MUL1: variants seen among roughly 807,000 people sequenced by gnomAD.
MUL1 encodes the protein mitochondrial E3 ubiquitin protein ligase 1.
A neutral mutation model predicts 34.1 loss-of-function variants in MUL1; 30 were observed. That is an observed-to-expected ratio of 0.88 (90% CI 0.66 to 1.19). The LOEUF (loss-of-function observed/expected upper bound fraction) is 1.19, where lower values mean the gene tolerates loss of function less well. Ranked by LOEUF, MUL1 falls within the 50% of genes most tolerant of loss-of-function variation. MUL1 has a pLI of 0.00. For synonymous variants in MUL1, 191 were observed against 187.8 expected, an observed-to-expected ratio of 1.02 and a Z score of -0.14; for missense variants, 419 against 450.5, an observed-to-expected ratio of 0.93 and a Z score of 0.63.
intron 1 of MUL1, among the ~76,000 whole-genome samples, chr1:20,506,975 C>T (rs1171614600): frequency 1.3e-5 from 2 of 152,178 alleles, no homozygotes; most frequent in Non-Finnish European, 2.9e-5. Context: ...GCCTTTACAT[C>T]CCAACGCTTC....
chr1:20,505,619 G>GA (rs1350372424), intron 1 of MUL1, among the ~76,000 whole-genome samples: 1 of 119,118 alleles, frequency 8.4e-6, no homozygotes, highest in African/African-American at 3.1e-5. Flanking sequence ...AGAGGAAAAA[G>GA]AAAAAAAGAA....
In MUL1 at chr1:20,500,232, T is replaced by G; in HGVS notation, c.*458A>C. The G allele has an allele frequency of 6.5e-6, 1 of 154,162 alleles. No individual in the cohort carries two copies. The highest frequency in any genetic ancestry group is 1.4e-5 in the Non-Finnish European group (1 of 69,566). 9.5% of individuals were successfully genotyped at this position (154,162 alleles called of 1,614,324 possible). A position where few individuals can be genotyped will look rare whatever the true frequency, so the allele number is the denominator to read the frequency against. On this transcript the variant is annotated 3_prime_UTR_variant, in exon 4 of 4. Transcript: ENST00000264198. ...AAAAAGAAGAAAAGCTGCGGCAGAG[T>G]CTCTTCGGAGGCAGCACCCAAGGCA...
At chr1:20,507,792 T>C in intron 1 of MUL1, 113 bp downstream of exon 1, 1 of 1,432,762 alleles carries the variant, frequency 7.0e-7, no homozygotes, top group Non-Finnish European at 9.3e-7. Context: ...CTTCAGAGGC[T>C]GTTTCCTTTT....
chr1:20,501,459 A>T lies in MUL1; in HGVS notation c.330-40T>A, dbSNP rs761887984. 4 of 1,579,380 alleles carry T rather than the reference A, an allele frequency of 2.5e-6. No homozygotes were observed. The highest frequency in any genetic ancestry group is 3.4e-4 in the Middle Eastern group (2 of 5,896). ...GAACTAAAGATACAGGGTAGCAAAC[A>T]GCAAACACCCAGGCAGAACTGGAGA... On this transcript the variant is annotated intron_variant, in intron 3 of 3. Coordinates refer to ENST00000264198, the MANE Select transcript of MUL1 (RefSeq NM_024544.3). This position sits in a 1 kb window ranked among gnomAD's most constrained non-coding sequence, Gnocchi z 4.2.
intron 1 of MUL1, among the ~76,000 whole-genome samples, chr1:20,506,922 A>C (rs529361328): frequency 6.6e-6 from 1 of 152,012 alleles, no homozygotes; most frequent in Non-Finnish European, 1.5e-5. Context: ...GTTAAGAAAA[A>C]AATAAAATCA....
At position 20,508,052 on chromosome 1, in the gene MUL1, G is replaced by A. The variant is rs1045539956; in HGVS notation, c.-28C>T. On this transcript the variant is annotated 5_prime_UTR_variant, in exon 1 of 4. Transcript: ENST00000264198. ...CGGCGGCGAGCCCCGGTGGCCGACT[G>A]TGGCGCCAAGGATAGGCCTGGTGAC... 1.3e-6 allele frequency: 2 copies of A among 1,572,552 alleles called. No individual in the cohort carries two copies. The highest frequency in any genetic ancestry group is 1.9e-5 in the Admixed American group (1 of 52,796).
Position 20,508,113 on chromosome 1 carries a change from C to T in MUL1, c.-89G>A, listed in dbSNP as rs576820210. ...CCACCTCCTTCCGACCAGGACCGCA[C>T]CCCCCCGGCCTAACCTGACCGGAAA... On this transcript the variant is annotated 5_prime_UTR_variant, in exon 1 of 4. The change creates a new upstream start codon in the 5' untranslated region. Transcript: ENST00000264198. The T allele has an allele frequency of 7.2e-5, 107 of 1,478,580 alleles. No homozygotes were observed. The African/African-American group carries it at 1.3e-3, about 17-fold the overall frequency. 91.6% of individuals were successfully genotyped at this position (1,478,580 alleles called of 1,614,324 possible). A position where few individuals can be genotyped will look rare whatever the true frequency, so the allele number is the denominator to read the frequency against.
chr1:20,502,298 C>G, intron 2 of MUL1, 109 bp from the exon 3 acceptor site: 2 of 1,471,958 alleles, frequency 1.4e-6, no homozygotes, highest in Non-Finnish European at 1.8e-6. Flanking sequence ...CCTATAATCC[C>G]AACACTTTGG....
At chr1:20,506,397 G>C (rs2051714176) in intron 1 of MUL1, among the ~76,000 whole-genome samples, 1 of 152,174 alleles carries the variant, frequency 6.6e-6, no homozygotes, top group Admixed American at 6.5e-5. Flanking sequence ...GGACCAGTCA[G>C]ATAGTCACAA....
chr1:20,500,762 G>A lies in MUL1; in HGVS notation c.987C>T (p.Ala329=). The A allele has an allele frequency of 1.9e-6, 3 of 1,613,448 alleles. No homozygotes were observed. Among genetic ancestry groups the A allele is most frequent in the South Asian group, 2.2e-5 (2 of 90,926 alleles). Residue 329 remains alanine, a synonymous_variant, in exon 4 of 4, where the codon GCC becomes GCT. Transcript: ENST00000264198. ...HVCSCTECYR[A]LPEPKKCPIC... is the part of the protein sequence containing the mutation. ...TAGGGCACTTCTTGGGCTCTGGCAA[G>A]GCGCGGTAGCACTCGGTGCAGGAAC... is the stretch of plus-strand genomic sequence containing the variant.
In MUL1 at chr1:20,503,315, TAAA is replaced by T; in HGVS notation, c.121-9_121-7del. On this transcript the variant is annotated splice_region_variant and splice_polypyrimidine_tract_variant and intron_variant, in intron 1 of 3. Coordinates refer to ENST00000264198, the MANE Select transcript of MUL1 (RefSeq NM_024544.3). The stretch of plus-strand genomic sequence containing the variant: ...AAATGAACTTTTTTAGCTCCCTAAA[TAAA>T]AAAAAAAAATTAAATTAATTGGCCA... 1 of 1,296,764 alleles carries T rather than the reference TAAA, an allele frequency of 7.7e-7. No individual in the cohort carries two copies. The highest frequency in any genetic ancestry group is 1.0e-6 in the Non-Finnish European group (1 of 965,196). The allele number at this position is 1,296,764 out of a possible 1,614,324, so 80.3% of individuals were successfully genotyped here.
In MUL1 at chr1:20,500,624, C is replaced by G. The variant is rs1053565638; in HGVS notation, c.*66G>C. 1 of 1,512,146 alleles carries G rather than the reference C, an allele frequency of 6.6e-7. No homozygotes were observed. The highest frequency in any genetic ancestry group is 1.3e-5 in the South Asian group (1 of 74,628). 93.7% of individuals were successfully genotyped at this position (1,512,146 alleles called of 1,614,324 possible). A position where few individuals can be genotyped will look rare whatever the true frequency, so the allele number is the denominator to read the frequency against. On this transcript the variant is annotated 3_prime_UTR_variant, in exon 4 of 4. Coordinates refer to ENST00000264198, the MANE Select transcript of MUL1 (RefSeq NM_024544.3). ...CCCACCACTGCTCCTCCAAAGGCCT[C>G]GAGATAAAAATCCCTGAAAAGGGGG...
Position 20,508,133 on chromosome 1 carries a change from C to T in MUL1, c.-109G>A. On this transcript the variant is annotated 5_prime_UTR_variant, in exon 1 of 4. Coordinates refer to ENST00000264198, the MANE Select transcript of MUL1 (RefSeq NM_024544.3). ...CCGCACCCCCCCGGCCTAACCTGACCGGAAACTCGAAATCAGTCGCCCAGC... is the reference window on the plus strand; with the variant it reads ...CCGCACCCCCCCGGCCTAACCTGACTGGAAACTCGAAATCAGTCGCCCAGC... The T allele has an allele frequency of 7.0e-7, 1 of 1,438,342 alleles. No individual in the cohort carries two copies. Among genetic ancestry groups the T allele is most frequent in the South Asian group, 1.4e-5 (1 of 73,818 alleles). The allele number at this position is 1,438,342 out of a possible 1,614,324, so 89.1% of individuals were successfully genotyped here. A position where few individuals can be genotyped will look rare whatever the true frequency, so the allele number is the denominator to read the frequency against.
rs146196870 is a variant in MUL1, at chr1:20,503,243, C to T, written c.187G>A (p.Val63Met). The change falls in exon 2 of 4, where the codon GTG becomes ATG. Residue 63 changes from valine to methionine, a missense_variant. Val to Met is a conservative substitution (Grantham distance 21). Transcript: ENST00000264198. The stretch of plus-strand genomic sequence containing the variant: ...ATACCTTCTATAACAGCATAAGGCA[C>T]GCATTTTCCTGGAGCTTCTGAAAGA... ...SILSEAPGKC[V>M]PYAVIEGAVR... 1.4e-5 allele frequency: 23 copies of T among 1,609,076 alleles called. No individual in the cohort carries two copies. The highest frequency in any genetic ancestry group is 6.7e-5 in the African/African-American group (5 of 74,700).
intron 1 of MUL1, 26 bp from the exon 2 acceptor site, chr1:20,503,335 A>G (rs747212091): frequency 7.1e-7 from 1 of 1,406,648 alleles, no homozygotes; most frequent in East Asian, 2.4e-5. Flanking sequence ...AAATTAAATT[A>G]ATTGGCCATT....
At chr1:20,502,997 A>C (rs920471945) in intron 2 of MUL1, among the ~76,000 whole-genome samples, 8 of 152,212 alleles carry the variant, frequency 5.3e-5, no homozygotes, top group African/African-American at 1.7e-4. Flanking sequence ...GTCTTATAAC[A>C]ACCCCATAAA....
At chr1:20,507,758 T>TC in intron 1 of MUL1, 147 bp downstream of exon 1, 10 of 1,181,692 alleles carry the variant, frequency 8.5e-6, no homozygotes, top group Non-Finnish European at 1.2e-5. Context: ...CCCTCGCTCC[T>TC]CCATCTACTG....
chr1:20,502,486 C>T (rs945813020), intron 2 of MUL1, among the ~76,000 whole-genome samples: 1 of 152,172 alleles, frequency 6.6e-6, no homozygotes, highest in Non-Finnish European at 1.5e-5. Flanking sequence ...GAGTTTGAGG[C>T]TGCAGTGAGC....
Position 20,507,915 on chromosome 1 carries a change from TG to T in MUL1, c.109del (p.Gln37LysfsTer15). On this transcript the variant is annotated frameshift_variant, in exon 1 of 4. Coordinates refer to ENST00000264198, the MANE Select transcript of MUL1 (RefSeq NM_024544.3). LOFTEE classifies it high-confidence loss of function. The stretch of plus-strand genomic sequence containing the variant: ...GGCTCCAGCACTGACCTTGAGCTCT[TG>T]GGAGACCCGGGCCTTCTGCCGGTAC... The part of the protein sequence containing the change: ...SVYRQKARVS[Q>X]ELKGAKKVHL... 1.3e-6 allele frequency: 2 copies of T among 1,597,632 alleles called. No homozygotes were observed. The highest frequency in any genetic ancestry group is 1.7e-6 in the Non-Finnish European group (2 of 1,172,946).
Sources: allele counts gnomAD v4.1 joint callset (sites outside exome capture counted in the v4.1 genomes callset), GRCh38; gene constraint gnomAD v4.1.1; non-coding constraint Gnocchi (gnomAD v3.1); transcripts MANE v1.5; gene names NCBI Gene and HGNC (gene_info 2026-07-23, HGNC 2026-07-21).